IVNS1ABP: variants seen among roughly 807,000 people sequenced by gnomAD.
The protein encoded by IVNS1ABP is influenza virus NS1A binding protein.
Under a neutral mutation model 78.9 loss-of-function variants are expected in IVNS1ABP, and 25 were observed. The ratio of observed to expected loss-of-function variants is 0.32; its 90% confidence interval spans 0.23 to 0.44. The LOEUF (loss-of-function observed/expected upper bound fraction) is 0.44. Among genes scored for constraint, IVNS1ABP ranks in the 20% least tolerant of loss-of-function variants. IVNS1ABP has a pLI of 1.00. For missense variants in IVNS1ABP, 494 were observed against 768.9 expected, an observed-to-expected ratio of 0.64 and a Z score of 4.23; for synonymous variants, 241 against 259.7, an observed-to-expected ratio of 0.93 and a Z score of 0.69.
At position 185,301,370 on chromosome 1, in the gene IVNS1ABP, T is replaced by C. The variant is rs183236393; in HGVS notation, c.895+64A>G. 60 of 1,577,166 alleles carry C rather than the reference T, an allele frequency of 3.8e-5. No homozygotes were observed. In the South Asian group the frequency reaches 4.8e-4, roughly 13 times the overall value. ...AGTAGTCAATTTAAGAGGTATTAAA[T>C]TGGCAACACTCCTTCTTAAAAATAG... On this transcript the variant is annotated intron_variant, in intron 9 of 14. Coordinates refer to ENST00000367498, the MANE Select transcript of IVNS1ABP (RefSeq NM_006469.5).
rs769678507 is a variant in IVNS1ABP, at chr1:185,301,417, A to G, written c.895+17T>C. 2.5e-6 allele frequency: 4 copies of G among 1,612,506 alleles called. No individual in the cohort carries two copies. Among genetic ancestry groups the G allele is most frequent in the Non-Finnish European group, 1.7e-6 (2 of 1,178,928 alleles). ...ATAGGTAAGCTGAAAACAATCTGGC[A>G]AGTGTCATATACTTACTTGAAGTCT... On this transcript the variant is annotated intron_variant, in intron 9 of 14. Transcript: ENST00000367498.
rs562578376 is a variant in IVNS1ABP, at chr1:185,305,328, T to G, written c.765+208A>C. Among the ~76,000 whole-genome samples, 89 of 152,290 alleles carry G rather than the reference T, an allele frequency of 5.8e-4. No individual in the cohort carries two copies. The highest frequency in any genetic ancestry group is 1.1e-3 in the Non-Finnish European group (75 of 68,016). On this transcript the variant is annotated intron_variant, in intron 8 of 14. Coordinates refer to ENST00000367498, the MANE Select transcript of IVNS1ABP (RefSeq NM_006469.5). The surrounding 1 kb of genome is among the most constrained non-coding windows in gnomAD (Gnocchi z 4.0). The stretch of plus-strand genomic sequence containing the variant: ...AATTCCTGCTTTATGAGAAAAAAAT[T>G]TCAATAGGGTTTCCTAATTTGTTAA...
intron 14 of IVNS1ABP, chr1:185,299,434 A>G: frequency 4.6e-6 from 2 of 437,206 alleles, no homozygotes; most frequent in Non-Finnish European, 8.3e-6. Context: ...AAGATGATGC[A>G]TTAAGGATAT....
intron 14 of IVNS1ABP, chr1:185,299,274 T>G: frequency 6.1e-6 from 1 of 163,938 alleles, no homozygotes; most frequent in Non-Finnish European, 1.4e-5. Flanking sequence ...TTTAAAAAGT[T>G]TAATACTTTG....
Position 185,309,182 on chromosome 1 carries a change from T to G in IVNS1ABP, c.112-10A>C. 6 of 1,560,662 alleles carry G rather than the reference T, an allele frequency of 3.8e-6. No individual in the cohort carries two copies. The highest frequency in any genetic ancestry group is 5.2e-6 in the Non-Finnish European group (6 of 1,157,070). Reference sequence around the variant, plus strand: ...TTTCATGGCCACAGACCTGAAATTATGAAGAATTATAATTATAAGTATTGT... The same window carrying G: ...TTTCATGGCCACAGACCTGAAATTAGGAAGAATTATAATTATAAGTATTGT... On this transcript the variant is annotated splice_polypyrimidine_tract_variant and intron_variant, in intron 3 of 14. Coordinates refer to ENST00000367498, the MANE Select transcript of IVNS1ABP (RefSeq NM_006469.5).
intron 2 of IVNS1ABP, among the ~76,000 whole-genome samples, chr1:185,309,985 G>C (rs1299583019): frequency 6.6e-6 from 1 of 151,964 alleles, no homozygotes; most frequent in Non-Finnish European, 1.5e-5. Context: ...TGTCTTAAAG[G>C]GCCCCCAATT....
Position 185,298,534 on chromosome 1 carries a change from T to C in IVNS1ABP, c.1676-246A>G. 1 of 507,272 alleles carries C rather than the reference T, an allele frequency of 2.0e-6. No individual in the cohort carries two copies. The highest frequency in any genetic ancestry group is 3.5e-6 in the Non-Finnish European group (1 of 287,434). The allele number at this position is 507,272 out of a possible 1,614,324, so 31.4% of individuals were successfully genotyped here. On this transcript the variant is annotated intron_variant, in intron 14 of 14. Transcript: ENST00000367498. This position sits in a 1 kb window ranked among gnomAD's most constrained non-coding sequence, Gnocchi z 4.1. ...TAAAAGGGGGAGGGAGAGGAAGCAG[T>C]AGCAGCATCTAAATAAGTACAATTT...
chr1:185,315,866 T>G (rs977880943), intron 1 of IVNS1ABP, among the ~76,000 whole-genome samples: 1 of 152,102 alleles, frequency 6.6e-6, no homozygotes, highest in African/African-American at 2.4e-5. Flanking sequence ...CACGACACAC[T>G]CAACGAACAG....
chr1:185,308,584 G>A (rs1282760564), intron 5 of IVNS1ABP, among the ~76,000 whole-genome samples: 2 of 152,160 alleles, frequency 1.3e-5, no homozygotes, highest in African/African-American at 4.8e-5. Flanking sequence ...GAAGATTGCT[G>A]AAAGGGTCAG....
At chr1:185,308,127 A>T (rs1177293645) in intron 5 of IVNS1ABP, 2 of 1,328,682 alleles carry the variant, frequency 1.5e-6, no homozygotes, top group African/African-American at 3.0e-5. Flanking sequence ...TATGTACTGT[A>T]AATTAAGGAA....
Position 185,305,454 on chromosome 1 carries a change from T to C in IVNS1ABP, c.765+82A>G, listed in dbSNP as rs756449724. ...CCAATGAAATTGGTCCACTTTCCTT[T>C]ATTAAAGGAAAATTTAAGTATGCTA... On this transcript the variant is annotated intron_variant, in intron 8 of 14. Coordinates refer to ENST00000367498, the MANE Select transcript of IVNS1ABP (RefSeq NM_006469.5). This position sits in a 1 kb window ranked among gnomAD's most constrained non-coding sequence, Gnocchi z 4.0. 6.6e-7 allele frequency: 1 copy of C among 1,516,314 alleles called. No homozygotes were observed. The highest frequency in any genetic ancestry group is 9.0e-7 in the Non-Finnish European group (1 of 1,114,996). The allele number at this position is 1,516,314 out of a possible 1,614,324, so 93.9% of individuals were successfully genotyped here.
chr1:185,307,243 A>G (rs1665762863), intron 6 of IVNS1ABP, 104 bp from the exon 7 acceptor site: 2 of 1,345,150 alleles, frequency 1.5e-6, no homozygotes, highest in South Asian at 2.6e-5. Context: ...AATTCATTCC[A>G]TACATTTACT....
rs1201247670 is a variant in IVNS1ABP, at chr1:185,305,826, AAAAC to A, written c.658-187_658-184del. On this transcript the variant is annotated intron_variant, in intron 7 of 14. Coordinates refer to ENST00000367498, the MANE Select transcript of IVNS1ABP (RefSeq NM_006469.5). This position sits in a 1 kb window ranked among gnomAD's most constrained non-coding sequence, Gnocchi z 4.0. ...TCATGGTGGTAAAAATTAAAAAACAAAAACAAAAAACCAAAATCAAATACAAAAT... is the reference window on the plus strand; with the variant it reads ...TCATGGTGGTAAAAATTAAAAAACAAAAAAAACCAAAATCAAATACAAAAT... 42 of 610,456 alleles carry A rather than the reference AAAAC, an allele frequency of 6.9e-5. No individual in the cohort carries two copies. The highest frequency in any genetic ancestry group is 6.8e-4 in the African/African-American group (36 of 53,282). The allele number at this position is 610,456 out of a possible 1,614,324, so 37.8% of individuals were successfully genotyped here.
intron 1 of IVNS1ABP, among the ~76,000 whole-genome samples, chr1:185,316,397 C>G (rs958135796): frequency 6.6e-6 from 1 of 152,184 alleles, no homozygotes; most frequent in Non-Finnish European, 1.5e-5. Flanking sequence ...AAGGACCCCG[C>G]GGCCCACGGC....
chr1:185,299,621 C>T lies in IVNS1ABP; in HGVS notation c.1675+89G>A, dbSNP rs1032215550. 107 of 1,204,974 alleles carry T rather than the reference C, an allele frequency of 8.9e-5. No homozygotes were observed. The African/African-American group carries it at 1.3e-3, about 14-fold the overall frequency. 74.6% of individuals were successfully genotyped at this position (1,204,974 alleles called of 1,614,324 possible). On this transcript the variant is annotated intron_variant, in intron 14 of 14. Transcript: ENST00000367498. ...GACTGCTTCTGAATTCTTAACTGTA[C>T]AACTATAGTCATTGGCCTTTTCTCT...
chr1:185,310,210 T>G (rs1665848511), intron 2 of IVNS1ABP, among the ~76,000 whole-genome samples: 1 of 152,218 alleles, frequency 6.6e-6, no homozygotes, highest in African/African-American at 2.4e-5. Flanking sequence ...CTAAATCACT[T>G]ATCTCATCAG....
At chr1:185,304,360 G>A (rs1665682711) in intron 8 of IVNS1ABP, among the ~76,000 whole-genome samples, 1 of 152,052 alleles carries the variant, frequency 6.6e-6, no homozygotes, top group African/African-American at 2.4e-5. Context: ...TAGAGTTAAG[G>A]GGGAAAATAT....
At position 185,309,460 on chromosome 1, in the gene IVNS1ABP, C is replaced by T. The variant is rs1665828418; in HGVS notation, c.34G>A (p.Glu12Lys). ...GCAACAGAAGACTCAATAAAATTTT[C>T]ATCCTCAAACATCAAATATCCATTG... ...IPNGYLMFED[E>K]NFIESSVAKL... The change falls in exon 3 of 15, where the codon GAA becomes AAA. Residue 12 changes from glutamate to lysine, a missense_variant. Coordinates refer to ENST00000367498, the MANE Select transcript of IVNS1ABP (RefSeq NM_006469.5). 3.7e-6 allele frequency: 6 copies of T among 1,610,006 alleles called. No homozygotes were observed. Among genetic ancestry groups the T allele is most frequent in the Non-Finnish European group, 4.2e-6 (5 of 1,177,118 alleles).
rs1665428558 is a variant in IVNS1ABP, at chr1:185,296,727, G to A, written c.*1308C>T. ...CCCAGTTGGCCCATTAGGTTCCTGT[G>A]TGCTTCATCTTCTGTGAGAAAAAAA... is the stretch of plus-strand genomic sequence containing the variant. On this transcript the variant is annotated 3_prime_UTR_variant, in exon 15 of 15. Transcript: ENST00000367498. 1 of 151,852 alleles carries A rather than the reference G, an allele frequency of 6.6e-6. No homozygotes were observed. The highest frequency in any genetic ancestry group is 2.4e-5 in the African/African-American group (1 of 41,332). 9.4% of individuals were successfully genotyped at this position (151,852 alleles called of 1,614,324 possible). A position where few individuals can be genotyped will look rare whatever the true frequency, so the allele number is the denominator to read the frequency against.
Sources: allele counts gnomAD v4.1 joint callset (sites outside exome capture counted in the v4.1 genomes callset), GRCh38; gene constraint gnomAD v4.1.1; non-coding constraint Gnocchi (gnomAD v3.1); transcripts MANE v1.5; gene names NCBI Gene and HGNC (gene_info 2026-07-23, HGNC 2026-07-21).